HIVEP3: variants seen among roughly 807,000 people sequenced by gnomAD.
HIVEP3 encodes the protein transcription factor HIVEP3.
A neutral mutation model predicts 152.8 loss-of-function variants in HIVEP3; 49 were observed. That is an observed-to-expected ratio of 0.32 (90% CI 0.26 to 0.41). HIVEP3 has a LOEUF of 0.41. HIVEP3 is among the 10% of genes least tolerant of loss of function. HIVEP3 has a pLI of 1.00. For synonymous variants in HIVEP3, 1,269 were observed against 1,289.0 expected (o/e 0.98, Z 0.33); for missense variants, 2,790 against 3,103.3 (o/e 0.90, Z 2.40).
intron 1 of HIVEP3, among the ~76,000 whole-genome samples, chr1:41,930,944 A>T (rs1644993239): frequency 6.6e-6 from 1 of 152,142 alleles, no homozygotes; most frequent in Non-Finnish European, 1.5e-5. Flanking sequence ...ATATGTTCAA[A>T]TATTTTGCCC....
intron 1 of HIVEP3, among the ~76,000 whole-genome samples, chr1:41,723,822 G>T (rs1055765824): frequency 1.4e-4 from 22 of 152,192 alleles, no homozygotes; most frequent in Non-Finnish European, 4.4e-5. Flanking sequence ...CAGGGTCAGG[G>T]TTAGGATTAG....
At chr1:41,590,481 C>A (rs1570034564) in intron 3 of HIVEP3, among the ~76,000 whole-genome samples, 1 of 152,182 alleles carries the variant, frequency 6.6e-6, no homozygotes, top group Non-Finnish European at 1.5e-5. Context: ...CAGGAAGGAA[C>A]ATGGATGTGG....
chr1:41,537,544 C>T (rs1029685975), intron 5 of HIVEP3, among the ~76,000 whole-genome samples: 2 of 152,210 alleles, frequency 1.3e-5, no homozygotes, highest in Non-Finnish European at 2.9e-5. Context: ...TGACACGCTG[C>T]TCTTCGAGTG....
At chr1:41,762,216 C>T (rs1647735589) in intron 1 of HIVEP3, among the ~76,000 whole-genome samples, 2 of 152,196 alleles carry the variant, frequency 1.3e-5, no homozygotes, top group African/African-American at 4.8e-5. Flanking sequence ...GGGGACCAAC[C>T]TCACATCCCC....
chr1:41,899,359 T>C (rs551633009), intron 1 of HIVEP3, among the ~76,000 whole-genome samples: 4 of 152,218 alleles, frequency 2.6e-5, no homozygotes, highest in Non-Finnish European at 5.9e-5. Context: ...CCTGATGATG[T>C]TTATGTGGAA....
At position 41,891,241 on chromosome 1, in the gene HIVEP3, G is replaced by GA. The variant is rs1403030590; in HGVS notation, c.-801+27171dup. On this transcript the variant is annotated intron_variant, in intron 1 of 8. Coordinates refer to ENST00000372583, the MANE Select transcript of HIVEP3 (RefSeq NM_024503.5). ...ATTCTAATCAATGTGCAGGAACACAGAAAAAAAACAGGGAAACAGCAGGCA... is the reference window on the plus strand; with the variant it reads ...ATTCTAATCAATGTGCAGGAACACAGAAAAAAAAACAGGGAAACAGCAGGCA... Among the ~76,000 whole-genome samples, 134 of 151,954 alleles carry GA rather than the reference G, an allele frequency of 8.8e-4. 1 individual carries two copies. The highest frequency in any genetic ancestry group is 1.9e-3 in the East Asian group (10 of 5,176).
chr1:41,643,453 C>A (rs891570356), intron 2 of HIVEP3, among the ~76,000 whole-genome samples: 1 of 152,244 alleles, frequency 6.6e-6, no homozygotes, highest in Non-Finnish European at 1.5e-5. Context: ...TGAAAGCATG[C>A]TGAACAGACG....
upstream of HIVEP3, among the ~76,000 whole-genome samples, chr1:41,923,540 G>T (rs1644952046): frequency 6.6e-6 from 1 of 152,146 alleles, no homozygotes; most frequent in Non-Finnish European, 1.5e-5. Context: ...CAAAGTTTCA[G>T]TTATATAGGA....
chr1:41,965,417 A>G (rs181691425), intron 1 of HIVEP3, among the ~76,000 whole-genome samples: 1 of 152,364 alleles, frequency 6.6e-6, no homozygotes, highest in East Asian at 1.9e-4. Flanking sequence ...GAAGGTAGGT[A>G]ATAATAAACT....
chr1:41,581,569 T>C lies in HIVEP3; in HGVS notation c.3229A>G (p.Ser1077Gly), dbSNP rs767082045. The change falls in exon 4 of 9, where the codon AGT becomes GGT. Residue 1077 changes from serine (S) to glycine (G), a missense_variant. Physicochemically the swap from Ser to Gly is moderately conservative, Grantham distance 56. Coordinates refer to ENST00000372583, the MANE Select transcript of HIVEP3 (RefSeq NM_024503.5). This position sits in a 1 kb window ranked among gnomAD's most constrained non-coding sequence, Gnocchi z 4.5. ...AATGAGCTTTTGGCAGAGGGTTTAC[T>C]GGATGAGGGCTGTGGTTCTTCGCTC... ...QESEEPQPSS[S>G]KPSAKSSLSQ... 1.2e-5 allele frequency: 19 copies of C among 1,609,840 alleles called. No homozygotes were observed. Among genetic ancestry groups the C allele is most frequent in the Non-Finnish European group, 1.4e-5 (17 of 1,178,542 alleles).
chr1:41,993,642 A>ATT (rs1337801811), intron 1 of HIVEP3, among the ~76,000 whole-genome samples: 1 of 152,178 alleles, frequency 6.6e-6, no homozygotes, highest in African/African-American at 2.4e-5. Flanking sequence ...CAGCCATCCC[A>ATT]TTACTGGGTA....
chr1:41,527,755 AC>A (rs1195965102), intron 5 of HIVEP3, among the ~76,000 whole-genome samples: 1 of 134,252 alleles, frequency 7.4e-6, no homozygotes, highest in Non-Finnish European at 1.6e-5. Context: ...CCTCGCATTC[AC>A]CTTCACACTC....
At position 41,927,042 on chromosome 1, in the gene HIVEP3, C is replaced by A. The variant is rs185497942; in HGVS notation, n.120-8518G>T. ...CTTTCTGTCTCAGGCGAGGATGTAGCCTTGTCAGGCTGTTTGGGTTCAAGA... is the reference window on the plus strand; with the variant it reads ...CTTTCTGTCTCAGGCGAGGATGTAGACTTGTCAGGCTGTTTGGGTTCAAGA... On this transcript the variant is annotated intron_variant and non_coding_transcript_variant, in intron 1 of 3. Transcript: ENST00000489103. 1.9e-3 allele frequency among the ~76,000 whole-genome samples: 286 copies of A among 152,294 alleles called. 1 individual carries two copies. The highest frequency in any genetic ancestry group is 6.4e-3 in the African/African-American group (265 of 41,564).
At chr1:41,736,747 G>A (rs759779441) in intron 1 of HIVEP3, among the ~76,000 whole-genome samples, 1 of 152,240 alleles carries the variant, frequency 6.6e-6, no homozygotes, top group South Asian at 2.1e-4. Flanking sequence ...ATGATCACAT[G>A]TGTGTCCTTG....
chr1:41,551,742 T>TA (rs1643896024), intron 5 of HIVEP3, among the ~76,000 whole-genome samples: 2 of 152,242 alleles, frequency 1.3e-5, no homozygotes, highest in Non-Finnish European at 2.9e-5. Context: ...TATCATTTTT[T>TA]ATTGCGTCTA....
intron 1 of HIVEP3, among the ~76,000 whole-genome samples, chr1:41,717,590 G>T (rs1490108076): frequency 1.3e-5 from 2 of 152,192 alleles, no homozygotes; most frequent in African/African-American, 4.8e-5. Flanking sequence ...CAGGCACGGG[G>T]TTGGTACATG....
intron 1 of HIVEP3, among the ~76,000 whole-genome samples, chr1:41,736,638 G>A (rs1006233280): frequency 6.6e-6 from 1 of 152,352 alleles, no homozygotes; most frequent in East Asian, 1.9e-4. Context: ...GTGGGCAGAT[G>A]CAGGCCAAGG....
At chr1:41,570,166 C>A (rs1569946902) in intron 5 of HIVEP3, among the ~76,000 whole-genome samples, 1 of 152,110 alleles carries the variant, frequency 6.6e-6, no homozygotes, top group Non-Finnish European at 1.5e-5. Context: ...TGGGGCTGGG[C>A]CATGTGGAGC....
In HIVEP3 at chr1:41,695,806, C is replaced by T. The variant is rs116224958; in HGVS notation, c.-721+5110G>A. On this transcript the variant is annotated intron_variant, in intron 2 of 8. Transcript: ENST00000372583. ...TTTTCAATAAACGTGAATTCTTTCT[C>T]AGGTGAAAATTAAAGTGTTTCCATT... 1.7e-3 allele frequency among the ~76,000 whole-genome samples: 259 copies of T among 152,348 alleles called. 3 individuals carry two copies. The highest frequency in any genetic ancestry group is 5.9e-3 in the African/African-American group (244 of 41,576).
Sources: gnomAD v4.1 joint callset for allele counts (sites outside exome capture counted in the v4.1 genomes callset) on GRCh38, gnomAD v4.1.1 for gene constraint, Gnocchi (gnomAD v3.1) non-coding constraint, MANE v1.5 for transcripts, NCBI Gene and HGNC (gene_info 2026-07-23, HGNC 2026-07-21) for gene names.